Variants in USP25 observed in about 807,000 individuals in gnomAD.
USP25 encodes the protein ubiquitin carboxyl-terminal hydrolase 25.
In USP25, 85 loss-of-function variants were observed where a neutral mutation model predicts 158.5. The ratio of observed to expected loss-of-function variants is 0.54; its 90% CI spans 0.45 to 0.64. The LOEUF (loss-of-function observed/expected upper bound fraction) is 0.64. USP25 is among the 30% of genes least tolerant of loss of function. USP25 has a pLI of 0.00. For synonymous variants in USP25, 464 were observed against 460.4 expected, an observed-to-expected ratio of 1.01 and a Z score of -0.10; for missense variants, 1,242 against 1,327.3, an observed-to-expected ratio of 0.94 and a Z score of 1.00.
chr21:15,874,556 T>A (rs367697804), intron 24 of USP25, 30 bp downstream of exon 24: 2 of 1,553,384 alleles, frequency 1.3e-6, no homozygotes, highest in Non-Finnish European at 1.7e-6. Flanking sequence ...TATGATCTTA[T>A]CATTTTGTCT....
rs144069686 is a variant in USP25, at chr21:15,734,100, C to T, written c.45+3662C>T. On this transcript the variant is annotated intron_variant, in intron 1 of 25. Transcript: ENST00000400183. ...TGTTTAATGGTCCTAAGCAAGTGTT[C>T]TGTATAGGGAGAATAAAAAAGAAAC... Among the ~76,000 whole-genome samples, 19 of 152,134 alleles carry T rather than the reference C, an allele frequency of 1.2e-4. 1 individual carries two copies. The highest frequency in any genetic ancestry group is 6.8e-3 in the Middle Eastern group (2 of 294).
intron 22 of USP25, among the ~76,000 whole-genome samples, chr21:15,866,966 C>G (rs2039685793): frequency 6.6e-6 from 1 of 152,076 alleles, no homozygotes; most frequent in African/African-American, 2.4e-5. Flanking sequence ...TTTTTTCCTT[C>G]ACTTTGATTC....
At chr21:15,807,187 C>G (rs2036433415) in intron 7 of USP25, among the ~76,000 whole-genome samples, 1 of 152,184 alleles carries the variant, frequency 6.6e-6, no homozygotes. Flanking sequence ...TTTGGCCTCC[C>G]AAAGTGCTAG....
chr21:15,860,000 T>G (rs1012552666), intron 20 of USP25, among the ~76,000 whole-genome samples: 47 of 146,362 alleles, frequency 3.2e-4, no homozygotes, highest in Non-Finnish European at 6.2e-4. Context: ...TATTTTTTTT[T>G]TTTTTTTGGA....
At chr21:15,825,461 G>A (rs1243386076) in intron 12 of USP25, among the ~76,000 whole-genome samples, 1 of 152,160 alleles carries the variant, frequency 6.6e-6, no homozygotes, top group Non-Finnish European at 1.5e-5. Context: ...CGTAAAGGAG[G>A]AAATTGTGTC....
chr21:15,730,421 C>T lies in USP25; in HGVS notation c.28C>T (p.Gln10Ter). Residue 10 changes from glutamine (Q) to a stop codon, truncating the protein, a stop_gained, in exon 1 of 26, where the codon CAG becomes TAG. Coordinates refer to ENST00000400183, the MANE Select transcript of USP25 (RefSeq NM_001283041.3). LOFTEE classifies it high-confidence loss of function. Reference sequence around the variant, plus strand: ...GACCGTGGAGCAGAACGTGCTGCAGCAGAGCGCGGCGCAGAAGGTGAGGCG... The same window carrying T: ...GACCGTGGAGCAGAACGTGCTGCAGTAGAGCGCGGCGCAGAAGGTGAGGCG... The part of the protein sequence containing the change: MTVEQNVLQ[Q>*]SAAQKHQQTF... 7.3e-7 allele frequency: 1 copy of T among 1,362,568 alleles called. No homozygotes were observed. The highest frequency in any genetic ancestry group is 1.7e-5 in the South Asian group (1 of 57,414). The allele number at this position is 1,362,568 out of a possible 1,614,324, so 84.4% of individuals were successfully genotyped here.
At chr21:15,869,718 G>A (rs556053633) in intron 22 of USP25, among the ~76,000 whole-genome samples, 3 of 152,190 alleles carry the variant, frequency 2.0e-5, no homozygotes, top group South Asian at 4.1e-4. Context: ...TCTTCCATCA[G>A]TTGATGTAGA....
At position 15,854,136 on chromosome 21, in the gene USP25, GTTTGT is replaced by G. The variant is rs755597116; in HGVS notation, c.2547+4287_2547+4291del. Among the ~76,000 whole-genome samples the G allele has an allele frequency of 7.5e-4, 112 of 149,250 alleles. 1 individual carries two copies. Among genetic ancestry groups the G allele is most frequent in the African/African-American group, 2.5e-3 (102 of 41,086 alleles). On this transcript the variant is annotated intron_variant, in intron 20 of 25. Coordinates refer to ENST00000400183, the MANE Select transcript of USP25 (RefSeq NM_001283041.3). ...TGTATTATAAATTGAGGGAAAAGTT[GTTTGT>G]TTTGTTTTGTTTTGTTTTGTTTGAG...
chr21:15,738,043 A>G (rs2031689552), intron 1 of USP25, among the ~76,000 whole-genome samples: 1 of 152,136 alleles, frequency 6.6e-6, no homozygotes, highest in African/African-American at 2.4e-5. Flanking sequence ...CCTGTAAATG[A>G]TTTTAAAAAG....
At chr21:15,806,890 G>A (rs2036418814) in intron 7 of USP25, among the ~76,000 whole-genome samples, 2 of 151,716 alleles carry the variant, frequency 1.3e-5, no homozygotes, top group Non-Finnish European at 2.9e-5. Flanking sequence ...ACACCCTTTG[G>A]TATGTGATAC....
intron 1 of USP25, among the ~76,000 whole-genome samples, chr21:15,739,416 A>G (rs962619258): frequency 6.6e-6 from 1 of 152,068 alleles, no homozygotes; most frequent in East Asian, 1.9e-4. Context: ...TTCTTTGGGT[A>G]CTGGTGACCT....
intron 12 of USP25, among the ~76,000 whole-genome samples, chr21:15,825,517 G>T (rs867199955): frequency 1.4e-4 from 22 of 152,256 alleles, no homozygotes; most frequent in South Asian, 2.1e-4. Context: ...CAATCTGTGT[G>T]TACAGGGAAT....
chr21:15,745,613 T>C lies in USP25; in HGVS notation c.45+15175T>C, dbSNP rs554517886. Reference sequence around the variant, plus strand: ...GCCTCAGCCTCCTGAGTAGCTGGGATTACAGGCATGCACCACCACGCTCAG... The same window carrying C: ...GCCTCAGCCTCCTGAGTAGCTGGGACTACAGGCATGCACCACCACGCTCAG... On this transcript the variant is annotated intron_variant, in intron 1 of 25. Transcript: ENST00000400183. Among the ~76,000 whole-genome samples, 6 of 151,834 alleles carry C rather than the reference T, an allele frequency of 4.0e-5. No homozygotes were observed. The South Asian group carries it at 1.0e-3, about 26-fold the overall frequency.
chr21:15,798,291 A>C (rs1028385129), intron 5 of USP25, among the ~76,000 whole-genome samples: 1 of 151,280 alleles, frequency 6.6e-6, no homozygotes. Flanking sequence ...GGAACTTTGT[A>C]TCTTTATTGA....
At chr21:15,776,581 T>G (rs921577038) in intron 3 of USP25, among the ~76,000 whole-genome samples, 1 of 151,986 alleles carries the variant, frequency 6.6e-6, no homozygotes, top group African/African-American at 2.4e-5. Context: ...CTGTTTGTTT[T>G]TTTTTTCCTC....
In USP25 at chr21:15,825,014, C is replaced by A; in HGVS notation, c.1257C>A (p.Ile419=). The part of the protein sequence containing the change: ...REITRIKREE[I]KRLKDYLTVL... ...TAACAAGAATTAAGAGGGAAGAGAT[C>A]AAGAGACTGAAAGATTACCTCACGG... The change falls in exon 12 of 26, where the codon ATC becomes ATA. Residue 419 remains isoleucine (I), a synonymous_variant. Coordinates refer to ENST00000400183, the MANE Select transcript of USP25 (RefSeq NM_001283041.3). The A allele has an allele frequency of 6.2e-7, 1 of 1,611,778 alleles. No homozygotes were observed. The highest frequency in any genetic ancestry group is 8.5e-7 in the Non-Finnish European group (1 of 1,179,082).
intron 8 of USP25, among the ~76,000 whole-genome samples, chr21:15,810,080 G>A (rs1338829370): frequency 6.6e-6 from 1 of 152,206 alleles, no homozygotes; most frequent in East Asian, 1.9e-4. Context: ...GCACAACAGT[G>A]TGAATATACT....
intron 2 of USP25, 123 bp downstream of exon 2, chr21:15,763,091 G>T: frequency 1.2e-6 from 1 of 854,848 alleles, no homozygotes; most frequent in Non-Finnish European, 1.7e-6. Flanking sequence ...TACAGGAATG[G>T]ACTTTGTAAA....
chr21:15,743,630 A>C (rs550213486), intron 1 of USP25, among the ~76,000 whole-genome samples: 3 of 152,184 alleles, frequency 2.0e-5, no homozygotes, highest in Non-Finnish European at 4.4e-5. Context: ...AGAGTAGGCA[A>C]AAAGAAAAGT....
Sources: allele counts gnomAD v4.1 joint callset (sites outside exome capture counted in the v4.1 genomes callset), GRCh38; gene constraint gnomAD v4.1.1; transcripts MANE v1.5; gene names NCBI Gene and HGNC (gene_info 2026-07-23, HGNC 2026-07-21).